PLAGL1: variants seen among roughly 807,000 people sequenced by gnomAD.
PLAGL1 encodes the protein zinc finger protein PLAGL1.
PLAGL1 carries 1 observed loss-of-function variant against 4.6 expected under a neutral mutation model. The ratio of observed to expected loss-of-function variants is 0.22; its 90% CI spans 0.08 to 1.03. PLAGL1 has a LOEUF of 1.03. Among genes scored for constraint, PLAGL1 ranks in the 50% least tolerant of loss-of-function variants. PLAGL1 has a pLI of 0.58. For synonymous variants in PLAGL1, 240 were observed against 237.8 expected (o/e 1.01, Z -0.08); for missense variants, 464 against 570.4 (o/e 0.81, Z 1.90).
intron 1 of PLAGL1, among the ~76,000 whole-genome samples, chr6:143,993,987 T>C (rs888628558): frequency 6.6e-6 from 1 of 151,410 alleles, no homozygotes; most frequent in Non-Finnish European, 1.5e-5. Context: ...AAAGGTTTGC[T>C]CAGTTCCCAA....
chr6:144,015,332 T>C lies in PLAGL1; in HGVS notation c.-150-46354A>G, dbSNP rs577707437. Among the ~76,000 whole-genome samples, 9 of 152,342 alleles carry C rather than the reference T, an allele frequency of 5.9e-5. No individual in the cohort carries two copies. In the East Asian group the frequency reaches 1.3e-3, roughly 23 times the overall value. On this transcript the variant is annotated intron_variant, in intron 1 of 3. Coordinates refer to the PLAGL1 transcript ENST00000437412. This position sits in a 1 kb window ranked among gnomAD's most constrained non-coding sequence, Gnocchi z 4.3. ...TTACCTATCTAGCTTACATGATATT[T>C]CTGTTTGACAACACTGTTTTAGAAG...
rs1214870205 is a variant in PLAGL1 at position 144,050,555 on chromosome 6, A to G, written c.-151+13913T>C. On this transcript the variant is annotated intron_variant, in intron 1 of 3. Coordinates refer to the PLAGL1 transcript ENST00000437412. This position sits in a 1 kb window ranked among gnomAD's most constrained non-coding sequence, Gnocchi z 4.3. Reference sequence around the variant, plus strand: ...TATAGGCTTATTCTAGGGAATAAATATCTTATTCCTGCCTTGCAAAGAATA... The same window carrying G: ...TATAGGCTTATTCTAGGGAATAAATGTCTTATTCCTGCCTTGCAAAGAATA... 1.3e-5 allele frequency among the ~76,000 whole-genome samples: 2 copies of G among 152,192 alleles called. No individual in the cohort carries two copies. Among genetic ancestry groups the G allele is most frequent in the African/African-American group, 4.8e-5 (2 of 41,452 alleles).
rs987746079 is a variant in PLAGL1 at position 143,979,061 on chromosome 6, T to C, written c.-544+6074A>G. 1.3e-5 allele frequency among the ~76,000 whole-genome samples: 2 copies of C among 152,206 alleles called. No homozygotes were observed. Among genetic ancestry groups the C allele is most frequent in the Admixed American group, 1.3e-4 (2 of 15,282 alleles). On this transcript the variant is annotated intron_variant, in intron 2 of 7. Coordinates refer to ENST00000674357, the MANE Select transcript of PLAGL1 (RefSeq NM_001317162.2). The surrounding 1 kb of genome is among the most constrained non-coding windows in gnomAD (Gnocchi z 4.6). ...TATTTATCCCTGGTAATATTCTTTG[T>C]TCTAATTTCTACTTTGTCTAATATG...
chr6:143,991,001 C>T (rs1008655839), intron 1 of PLAGL1, among the ~76,000 whole-genome samples: 3 of 152,116 alleles, frequency 2.0e-5, no homozygotes, highest in African/African-American at 4.8e-5. Context: ...AAAATTGTGG[C>T]GGAGAAAGAA....
chr6:144,009,303 T>A (rs1794944305), upstream of PLAGL1, among the ~76,000 whole-genome samples: 1 of 152,258 alleles, frequency 6.6e-6, no homozygotes, highest in South Asian at 2.1e-4. Context: ...TGATATTCAC[T>A]GTAACTTATC....
In PLAGL1 at chr6:144,027,235, G is replaced by GAAAGAA. The variant is rs1554277688; in HGVS notation, c.-151+37227_-151+37232dup. ...AAAGACCCCAACTCAAAGAACGAAC[G>GAAAGAA]AAAGAAAGAAAGAAAGAAAGAAAGA... On this transcript the variant is annotated intron_variant, in intron 1 of 3. Coordinates refer to the PLAGL1 transcript ENST00000437412. The surrounding 1 kb of genome is among the most constrained non-coding windows in gnomAD (Gnocchi z 5.8). Among the ~76,000 whole-genome samples the GAAAGAA allele has an allele frequency of 4.3e-3, 170 of 39,240 alleles. 2 individuals carry two copies. The highest frequency in any genetic ancestry group is 0.01 in the African/African-American group (161 of 15,408). 25.7% of individuals were successfully genotyped at this position (39,240 alleles called of 152,430 possible).
In PLAGL1 at chr6:144,063,940, T is replaced by A. The variant is rs559821064; in HGVS notation, c.-151+528A>T. Among the ~76,000 whole-genome samples the A allele has an allele frequency of 2.7e-4, 41 of 152,284 alleles. No homozygotes were observed. The East Asian group carries it at 7.6e-3, about 28-fold the overall frequency. On this transcript the variant is annotated intron_variant, in intron 1 of 3. Coordinates refer to the PLAGL1 transcript ENST00000437412. The surrounding 1 kb of genome is among the most constrained non-coding windows in gnomAD (Gnocchi z 5.7). Reference sequence around the variant, plus strand: ...ACCTCCCCGCCGCAACTCGGTCACTTTGTTCCCATTAACTCAGTCTCTGGG... The same window carrying A: ...ACCTCCCCGCCGCAACTCGGTCACTATGTTCCCATTAACTCAGTCTCTGGG...
intron 1 of PLAGL1, among the ~76,000 whole-genome samples, chr6:144,025,522 A>G (rs1796270705): frequency 6.6e-6 from 1 of 152,222 alleles, no homozygotes; most frequent in African/African-American, 2.4e-5. Context: ...CTAGGTATCT[A>G]GAAACTCTCT....
chr6:144,017,153 C>T lies in PLAGL1; in HGVS notation c.-151+47315G>A, dbSNP rs990672227. Among the ~76,000 whole-genome samples, 10 of 152,272 alleles carry T rather than the reference C, an allele frequency of 6.6e-5. No homozygotes were observed. In the East Asian group the frequency reaches 1.9e-3, roughly 29 times the overall value. ...TCAACAAATGCTTAGATTTAATTTTCTCTAATCACAATATAAATAACCCTT... is the reference window on the plus strand; with the variant it reads ...TCAACAAATGCTTAGATTTAATTTTTTCTAATCACAATATAAATAACCCTT... On this transcript the variant is annotated intron_variant, in intron 1 of 3. Transcript: ENST00000437412.
rs1797211475 is a variant in PLAGL1, at chr6:144,036,019, T to C, written c.-151+28449A>G. 6.6e-6 allele frequency among the ~76,000 whole-genome samples: 1 copy of C among 152,148 alleles called. No homozygotes were observed. ...GTTTTATTGTGCCTGGATGGCCATC[T>C]GATTACGTGTGGCTTAGCCTGGAAA... is the stretch of plus-strand genomic sequence containing the variant. On this transcript the variant is annotated intron_variant, in intron 1 of 3. Coordinates refer to the PLAGL1 transcript ENST00000437412. This position sits in a 1 kb window ranked among gnomAD's most constrained non-coding sequence, Gnocchi z 5.1.
Position 143,942,536 on chromosome 6 carries a change from C to T in PLAGL1, c.280G>A (p.Glu94Lys), listed in dbSNP as rs767063830. The part of the protein sequence containing the change: ...HDPNKMAFGC[E>K]ECGKKYNTML... ...GTGTTGTACTTCTTCCCACACTCCT[C>T]ACACCCAAAGGCCATTTTGTTGGGG... The change falls in exon 8 of 8, where the codon GAG (glutamate) becomes AAG (lysine). Residue 94 changes from glutamate (E) to lysine (K), a missense_variant. Physicochemically the swap from Glu to Lys is moderately conservative, Grantham distance 56 (BLOSUM62 1). Transcript: ENST00000674357. This position sits in a 1 kb window ranked among gnomAD's most constrained non-coding sequence, Gnocchi z 7.6. 6.2e-7 allele frequency: 1 copy of T among 1,614,162 alleles called. No homozygotes were observed. Among genetic ancestry groups the T allele is most frequent in the South Asian group, 1.1e-5 (1 of 91,086 alleles).
chr6:143,972,008 T>G lies in PLAGL1; in HGVS notation c.-543-3030A>C, dbSNP rs1785508560. On this transcript the variant is annotated intron_variant, in intron 2 of 7. Coordinates refer to ENST00000674357, the MANE Select transcript of PLAGL1 (RefSeq NM_001317162.2). The surrounding 1 kb of genome is among the most constrained non-coding windows in gnomAD (Gnocchi z 6.8). ...AGAGGCTGTGGACTGCCTGACAAAC[T>G]TGCTAAAGCAAAAAAGGGCATAATA... Among the ~76,000 whole-genome samples the G allele has an allele frequency of 6.6e-6, 1 of 152,142 alleles. No individual in the cohort carries two copies. Among genetic ancestry groups the G allele is most frequent in the African/African-American group, 2.4e-5 (1 of 41,458 alleles).
rs1239539288 is a variant in PLAGL1 at position 144,027,137 on chromosome 6, T to C, written c.-151+37331A>G. Among the ~76,000 whole-genome samples, 1 of 151,438 alleles carries C rather than the reference T, an allele frequency of 6.6e-6. No homozygotes were observed. The highest frequency in any genetic ancestry group is 1.5e-5 in the Non-Finnish European group (1 of 67,924). On this transcript the variant is annotated intron_variant, in intron 1 of 3. Transcript: ENST00000437412. This position sits in a 1 kb window ranked among gnomAD's most constrained non-coding sequence, Gnocchi z 5.8. ...TACTCAGGAGGCTGAGGTGGGAGGA[T>C]CACCTGAGCCCACGAGTTTGAGGCT...
chr6:144,060,519 A>G (rs1400540243), intron 1 of PLAGL1, among the ~76,000 whole-genome samples: 1 of 152,220 alleles, frequency 6.6e-6, no homozygotes, highest in African/African-American at 2.4e-5. Context: ...AGAAGGTTAA[A>G]AATGCTGAAT....
chr6:144,034,023 G>A lies in PLAGL1; in HGVS notation c.-151+30445C>T, dbSNP rs576944033. ...CACTATGCAAAATCAAAAACACATG[G>A]ATGCTTTTACTACACTACAGACATG... On this transcript the variant is annotated intron_variant, in intron 1 of 3. Coordinates refer to the PLAGL1 transcript ENST00000437412. The surrounding 1 kb of genome is among the most constrained non-coding windows in gnomAD (Gnocchi z 4.7). Among the ~76,000 whole-genome samples, 3 of 152,248 alleles carry A rather than the reference G, an allele frequency of 2.0e-5. No homozygotes were observed. The South Asian group carries it at 6.2e-4, about 32-fold the overall frequency.
rs1012905363 is a variant in PLAGL1, at chr6:143,950,490, T to C, written c.-324-2030A>G. Among the ~76,000 whole-genome samples, 4 of 152,172 alleles carry C rather than the reference T, an allele frequency of 2.6e-5. No homozygotes were observed. The highest frequency in any genetic ancestry group is 9.7e-5 in the African/African-American group (4 of 41,450). ...TCACCCAGCCTAAGTTTGGCCATAATACCGGCCCAGCTATAAAACACACTC... is the reference window on the plus strand; with the variant it reads ...TCACCCAGCCTAAGTTTGGCCATAACACCGGCCCAGCTATAAAACACACTC... On this transcript the variant is annotated intron_variant, in intron 6 of 7. Transcript: ENST00000674357. The surrounding 1 kb of genome is among the most constrained non-coding windows in gnomAD (Gnocchi z 6.3).
chr6:144,002,499 GCATGACAGCACATTAAAA>G (rs1793127891), intron 1 of PLAGL1, among the ~76,000 whole-genome samples: 1 of 151,910 alleles, frequency 6.6e-6, no homozygotes, highest in African/African-American at 2.4e-5. Context: ...TTTCCAGATG[GCATGACAGCACATTAAAA>G]ACAAAAACAA....
chr6:143,952,503 A>C lies in PLAGL1; in HGVS notation c.-324-4043T>G. 6.6e-6 allele frequency among the ~76,000 whole-genome samples: 1 copy of C among 152,236 alleles called. No individual in the cohort carries two copies. The highest frequency in any genetic ancestry group is 1.9e-4 in the East Asian group (1 of 5,204). On this transcript the variant is annotated intron_variant, in intron 6 of 7. Coordinates refer to ENST00000674357, the MANE Select transcript of PLAGL1 (RefSeq NM_001317162.2). This position sits in a 1 kb window ranked among gnomAD's most constrained non-coding sequence, Gnocchi z 6.1. ...TACAGATCTGCCAGTATGCCAAAGA[A>C]GGCTTGTGCCATCTGCTTCGTTCTG...
rs1019215710 is a variant in PLAGL1, at chr6:143,950,013, A to C, written c.-324-1553T>G. Among the ~76,000 whole-genome samples the C allele has an allele frequency of 6.6e-6, 1 of 152,230 alleles. No individual in the cohort carries two copies. Among genetic ancestry groups the C allele is most frequent in the African/African-American group, 2.4e-5 (1 of 41,460 alleles). ...TTTTCTAACCAGCAAAAATTCCAGG[A>C]AACTTGTAGAGTTCCTCATCTTCTG... On this transcript the variant is annotated intron_variant, in intron 6 of 7. Transcript: ENST00000674357. This position sits in a 1 kb window ranked among gnomAD's most constrained non-coding sequence, Gnocchi z 6.3.
Sources: gnomAD v4.1 joint callset for allele counts (sites outside exome capture counted in the v4.1 genomes callset) on GRCh38, gnomAD v4.1.1 for gene constraint, Gnocchi (gnomAD v3.1) non-coding constraint, MANE v1.5 for transcripts, NCBI Gene and HGNC (gene_info 2026-07-23, HGNC 2026-07-21) for gene names.